ZNF561: variants seen among roughly 807,000 people sequenced by gnomAD.
The protein encoded by ZNF561 is zinc finger protein 561.
ZNF561 carries 16 observed loss-of-function variants against 16.7 expected under a neutral mutation model. The observed-to-expected ratio is 0.96, with a 90% CI of 0.65 to 1.45. ZNF561 has a LOEUF of 1.45. Among genes scored for constraint, ZNF561 ranks in the 40% most tolerant of loss-of-function variants. The probability of loss-of-function intolerance (pLI) is 0.00; values close to 1 mark genes in which losing one functional copy is unlikely to be tolerated. For missense variants in ZNF561, 580 were observed against 578.0 expected (o/e 1.00, Z -0.04); for synonymous variants, 190 against 192.1 (o/e 0.99, Z 0.09).
intron 4 of ZNF561, chr19:9,614,390 CTT>C: frequency 3.4e-6 from 1 of 298,018 alleles, no homozygotes. Context: ...GGGTGGATCA[CTT>C]GAGGTCAGGA....
At chr19:9,617,625 G>C (rs2074580198) in intron 3 of ZNF561, 2 of 456,046 alleles carry the variant, frequency 4.4e-6, no homozygotes, top group Non-Finnish European at 8.8e-6. Context: ...TCTCACCTCT[G>C]TCTCCTGAGT....
chr19:9,612,121 T>C (rs1339768633), intron 5 of ZNF561, among the ~76,000 whole-genome samples: 1 of 151,936 alleles, frequency 6.6e-6, no homozygotes, highest in African/African-American at 2.4e-5. Flanking sequence ...AGAGACAGGG[T>C]TTCACCATGT....
rs529783747 is a variant in ZNF561 at position 9,618,625 on chromosome 19, C to T, written c.26-446G>A. ...TCTATAGTCCCAGCTACTCAGGAGG[C>T]TGAGGCAGGAGAATGGTGTGAACCC... is the stretch of plus-strand genomic sequence containing the variant. On this transcript the variant is annotated intron_variant, in intron 2 of 5. Coordinates refer to ENST00000302851, the MANE Select transcript of ZNF561 (RefSeq NM_152289.3). 3.3e-5 allele frequency among the ~76,000 whole-genome samples: 5 copies of T among 152,134 alleles called. No homozygotes were observed. In the East Asian group the frequency reaches 7.8e-4, roughly 24 times the overall value.
At chr19:9,616,944 A>G in intron 4 of ZNF561, 101 bp downstream of exon 4, 2 of 1,451,114 alleles carry the variant, frequency 1.4e-6, no homozygotes, top group Non-Finnish European at 1.8e-6. Context: ...CCATGCTAGT[A>G]TCAAACTCCC....
intron 4 of ZNF561, 38 bp from the exon 5 acceptor site, chr19:9,614,141 G>A (rs974892205): frequency 3.2e-5 from 51 of 1,604,264 alleles, no homozygotes; most frequent in Non-Finnish European, 4.0e-5. Flanking sequence ...AGGATTTAGA[G>A]AAGAAATATT....
chr19:9,614,218 C>T, intron 4 of ZNF561, 115 bp from the exon 5 acceptor site: 1 of 1,354,028 alleles, frequency 7.4e-7, no homozygotes, highest in Non-Finnish European at 1.0e-6. Flanking sequence ...AGCCAGAGAA[C>T]CTTGAGGATT....
Position 9,614,071 on chromosome 19 carries a change from A to G in ZNF561, c.274T>C (p.Ser92Pro). The G allele has an allele frequency of 2.5e-6, 4 of 1,614,148 alleles. 1 individual carries two copies. In the South Asian group the frequency reaches 4.4e-5, roughly 18 times the overall value. The change falls in exon 5 of 6, where the codon TCA becomes CCA. Residue 92 changes from serine (S) to proline (P), a missense_variant. By Grantham distance (74) the Ser-to-Pro change is moderately conservative (BLOSUM62 -1). Transcript: ENST00000302851. ...WEIQPRTKRSSLQQGFLKNQI... is the reference protein window; with the variant it reads ...WEIQPRTKRSPLQQGFLKNQI... ...TTCTTCAAAAAACCCTGCTGAAGTG[A>G]TGACCGTTTGGTTCTAGGTTGTATT...
intron 1 of ZNF561, among the ~76,000 whole-genome samples, chr19:9,620,715 C>A (rs530843860): frequency 1.3e-5 from 2 of 152,184 alleles, no homozygotes; most frequent in Admixed American, 6.5e-5. Flanking sequence ...AACTTCATTA[C>A]GTACCTAAGA....
chr19:9,617,890 G>A lies in ZNF561; in HGVS notation c.114+201C>T, dbSNP rs563832617. On this transcript the variant is annotated intron_variant, in intron 3 of 5. Transcript: ENST00000302851. ...AGGTCAAGCTTAAGTAGTAATTACT[G>A]AGCTACTGGACTGATTTTCAAGTTA... The A allele has an allele frequency of 3.0e-5, 18 of 607,144 alleles. No individual in the cohort carries two copies. The East Asian group carries it at 5.8e-4, about 20-fold the overall frequency. The allele number at this position is 607,144 out of a possible 1,614,324, so 37.6% of individuals were successfully genotyped here.
chr19:9,617,796 A>T (rs2074584836), intron 3 of ZNF561: 1 of 483,222 alleles, frequency 2.1e-6, no homozygotes, highest in African/African-American at 2.0e-5. Context: ...TGATAAAAGG[A>T]CACTTTCATC....
chr19:9,614,751 T>C (rs868510976), intron 4 of ZNF561, among the ~76,000 whole-genome samples: 6 of 152,026 alleles, frequency 3.9e-5, no homozygotes, highest in Non-Finnish European at 8.8e-5. Context: ...ATAGGAATGT[T>C]TGACAAGATG....
chr19:9,611,271 CTG>C lies in ZNF561; in HGVS notation c.388_389del (p.Gln130ValfsTer4). 6.2e-7 allele frequency: 1 copy of C among 1,613,988 alleles called. No individual in the cohort carries two copies. The highest frequency in any genetic ancestry group is 8.5e-7 in the Non-Finnish European group (1 of 1,179,920). On this transcript the variant is annotated frameshift_variant, in exon 6 of 6. Transcript: ENST00000302851. LOFTEE classifies it low-confidence loss of function (END_TRUNC). ...CTCTCATGTGTGTCTTAAGGCAAAA[CTG>C]TTCCCTGAAGACCTCTCCACAATTC... ...CKNCGEVFRE[Q>X]FCLKTHMRVQ... is the part of the protein sequence containing the mutation.
Position 9,610,623 on chromosome 19 carries a change from A to G in ZNF561, c.1038T>C (p.Phe346=), listed in dbSNP as rs375876508. The G allele has an allele frequency of 6.3e-5, 101 of 1,613,998 alleles. No individual in the cohort carries two copies. The Middle Eastern group carries it at 6.6e-4, about 11-fold the overall frequency. ...PYECKECGQA[F]AQYSGLSIHI... ...GTATAGAAAGGCCCGAGTACTGAGCAAAGGCTTGGCCACATTCCTTACATT... is the reference window on the plus strand; with the variant it reads ...GTATAGAAAGGCCCGAGTACTGAGCGAAGGCTTGGCCACATTCCTTACATT... Residue 346 remains phenylalanine, a synonymous_variant, in exon 6 of 6, where the codon TTT becomes TTC. Coordinates refer to ENST00000302851, the MANE Select transcript of ZNF561 (RefSeq NM_152289.3).
chr19:9,609,178 T>C lies in ZNF561; in HGVS notation c.*1022A>G, dbSNP rs1169765910. On this transcript the variant is annotated 3_prime_UTR_variant, in exon 6 of 6. Transcript: ENST00000302851. ...CCTTTCTTTCTTGTAAGGAATACTT[T>C]TAGCTAATCTATAATCTATAGAAAT... 1.3e-5 allele frequency: 2 copies of C among 152,214 alleles called. No homozygotes were observed. The highest frequency in any genetic ancestry group is 2.4e-5 in the African/African-American group (1 of 41,448). The allele number at this position is 152,214 out of a possible 1,614,324, so 9.4% of individuals were successfully genotyped here. A position where few individuals can be genotyped will look rare whatever the true frequency, so the allele number is the denominator to read the frequency against.
intron 4 of ZNF561, among the ~76,000 whole-genome samples, chr19:9,614,593 A>C (rs538065986): frequency 6.6e-6 from 1 of 152,328 alleles, no homozygotes; most frequent in South Asian, 2.1e-4. Context: ...TGACAGAGCA[A>C]GACTTCAGAA....
At chr19:9,620,984 G>A in intron 1 of ZNF561, 178 bp downstream of exon 1, 1 of 152,384 alleles carries the variant, frequency 6.6e-6, no homozygotes, top group Non-Finnish European at 1.5e-5. Flanking sequence ...AGGTTGCAGA[G>A]GTTGCAGTGA....
rs1193220282 is a variant in ZNF561, at chr19:9,608,284, GAGGAGAGAGGAGAA to G, written c.*1902_*1915del. ...TGGGGAGAGAGAGAGAAAGAGGAGA[GAGGAGAGAGGAGAA>G]AGGAGAGAGGAGAGAGAGACCTATT... On this transcript the variant is annotated 3_prime_UTR_variant, in exon 6 of 6. Coordinates refer to ENST00000302851, the MANE Select transcript of ZNF561 (RefSeq NM_152289.3). 5 of 152,052 alleles carry G rather than the reference GAGGAGAGAGGAGAA, an allele frequency of 3.3e-5. No individual in the cohort carries two copies. The highest frequency in any genetic ancestry group is 2.0e-4 in the Admixed American group (3 of 15,232). The allele number at this position is 152,052 out of a possible 1,614,324, so 9.4% of individuals were successfully genotyped here. A position where few individuals can be genotyped will look rare whatever the true frequency, so the allele number is the denominator to read the frequency against.
At chr19:9,620,061 T>G (rs370431763) in intron 1 of ZNF561, among the ~76,000 whole-genome samples, 45 of 152,158 alleles carry the variant, frequency 3.0e-4, no homozygotes, top group African/African-American at 1.1e-3. Flanking sequence ...CCTGAATAGC[T>G]GGGACCATAG....
In ZNF561 at chr19:9,608,216, GGGTAGGGGGA is replaced by G. The variant is rs1239579498; in HGVS notation, c.*1974_*1983del. On this transcript the variant is annotated 3_prime_UTR_variant, in exon 6 of 6. Transcript: ENST00000302851. ...GTATCGTGAAATGATGTCAAGAGAT[GGGTAGGGGGA>G]GGGAGGGGGAGGGAGGGGAAGGAGA... The G allele has an allele frequency of 2.0e-5, 3 of 151,668 alleles. No individual in the cohort carries two copies. Among genetic ancestry groups the G allele is most frequent in the African/African-American group, 7.3e-5 (3 of 41,242 alleles). The allele number at this position is 151,668 out of a possible 1,614,324, so 9.4% of individuals were successfully genotyped here.
Sources: gnomAD v4.1 joint callset for allele counts (sites outside exome capture counted in the v4.1 genomes callset) on GRCh38, gnomAD v4.1.1 for gene constraint, MANE v1.5 for transcripts, NCBI Gene and HGNC (gene_info 2026-07-23, HGNC 2026-07-21) for gene names.